The following PRKACB variants were observed in gnomAD, a reference collection of about 807,000 sequenced individuals.
PRKACB encodes protein kinase cAMP-activated catalytic subunit beta.
Under a neutral mutation model 51.4 loss-of-function variants are expected in PRKACB, and 16 were observed. The observed-to-expected ratio is 0.31, with a 90% CI of 0.21 to 0.47. The LOEUF (loss-of-function observed/expected upper bound fraction) is 0.47, where lower values mean the gene tolerates loss of function less well. Ranked by LOEUF, PRKACB falls within the 20% of genes least tolerant of loss-of-function variation. PRKACB has a pLI of 1.00. For synonymous variants in PRKACB, 147 were observed against 154.4 expected (o/e 0.95, Z 0.35); for missense variants, 309 against 464.5 (o/e 0.67, Z 3.08).
In PRKACB at chr1:84,171,328, T is replaced by G. The variant is rs185239641; in HGVS notation, c.188-7849T>G. Among the ~76,000 whole-genome samples, 5 of 151,582 alleles carry G rather than the reference T, an allele frequency of 3.3e-5. No individual in the cohort carries two copies. In the East Asian group the frequency reaches 9.8e-4, roughly 30 times the overall value. On this transcript the variant is annotated intron_variant, in intron 1 of 9. Transcript: ENST00000370685. ...AAAGATCAGTGGGTGGAATAGAAAA[T>G]AAAGATACATGAGAATCAAAGGTTA...
chr1:84,192,320 G>A (rs1179579511), intron 5 of PRKACB, among the ~76,000 whole-genome samples: 1 of 152,050 alleles, frequency 6.6e-6, no homozygotes, highest in Non-Finnish European at 1.5e-5. Context: ...CCAAATGATA[G>A]GAGTTATTCT....
chr1:84,205,269 CCAATA>C, intron 8 of PRKACB: 1 of 983,126 alleles, frequency 1.0e-6, no homozygotes, highest in Non-Finnish European at 1.2e-6. Flanking sequence ...TAACCATTTC[CCAATA>C]AATCATCTGT....
intron 1 of PRKACB, among the ~76,000 whole-genome samples, chr1:84,150,900 T>C (rs923027672): frequency 6.6e-6 from 1 of 152,218 alleles, no homozygotes; most frequent in African/African-American, 2.4e-5. Flanking sequence ...TCTTAATAAG[T>C]TGACACTGGA....
At chr1:84,174,985 G>A (rs886191728) in intron 1 of PRKACB, 3 of 1,422,728 alleles carry the variant, frequency 2.1e-6, no homozygotes, top group Non-Finnish European at 2.8e-6. Context: ...ATGCTAATAT[G>A]TTATTCATAT....
In PRKACB at chr1:84,223,399, C is replaced by T. The variant is rs1360244218; in HGVS notation, c.1071+9082C>T. The stretch of plus-strand genomic sequence containing the variant: ...TTTTGTTTTTTTTGAAATGGTGTCT[C>T]GCTCTGTCGCCCAGGCAAGAGTGCA... On this transcript the variant is annotated intron_variant, in intron 9 of 9. Transcript: ENST00000370685. Among the ~76,000 whole-genome samples the T allele has an allele frequency of 5.0e-5, 7 of 138,968 alleles. No individual in the cohort carries two copies. The Middle Eastern group carries it at 0.018, about 358-fold the overall frequency. 91.2% of individuals were successfully genotyped at this position (138,968 alleles called of 152,430 possible).
At chr1:84,191,950 G>A (rs1666930649) in intron 5 of PRKACB, among the ~76,000 whole-genome samples, 1 of 151,950 alleles carries the variant, frequency 6.6e-6, no homozygotes, top group South Asian at 2.1e-4. Flanking sequence ...TTCTTTAAGG[G>A]ATTTCTAGAC....
At chr1:84,138,269 AC>A (rs1653027009) in intron 1 of PRKACB, among the ~76,000 whole-genome samples, 1 of 152,216 alleles carries the variant, frequency 6.6e-6, no homozygotes, top group Non-Finnish European at 1.5e-5. Context: ...TATCAAAGGG[AC>A]ATAGGAGGAA....
At position 84,238,445 on chromosome 1, in the gene PRKACB, T is replaced by C. The variant is rs1280600384; in HGVS notation, c.*3140T>C. On this transcript the variant is annotated 3_prime_UTR_variant, in exon 10 of 10. Transcript: ENST00000370685. ...CTAGGAAATGCTGAAAACAACTGTG[T>C]TTTTTAATTAATCAATAACTGCAAA... 6.6e-6 allele frequency: 1 copy of C among 152,598 alleles called. No individual in the cohort carries two copies. Among genetic ancestry groups the C allele is most frequent in the African/African-American group, 2.4e-5 (1 of 41,438 alleles). 9.5% of individuals were successfully genotyped at this position (152,598 alleles called of 1,614,324 possible). A position where few individuals can be genotyped will look rare whatever the true frequency, so the allele number is the denominator to read the frequency against.
At chr1:84,198,621 T>C (rs1238167451) in intron 7 of PRKACB, among the ~76,000 whole-genome samples, 1 of 152,046 alleles carries the variant, frequency 6.6e-6, no homozygotes, top group African/African-American at 2.4e-5. Context: ...ATCATTGTAG[T>C]TAACACATTT....
intron 7 of PRKACB, among the ~76,000 whole-genome samples, chr1:84,199,312 C>G (rs567060085): frequency 6.6e-6 from 1 of 152,062 alleles, no homozygotes; most frequent in African/African-American, 2.4e-5. Context: ...CCTACCTCCA[C>G]CCTCAAGTAG....
At chr1:84,144,199 T>A, upstream of PRKACB, 1 of 1,322,822 alleles carries the variant, frequency 7.6e-7, no homozygotes, top group Non-Finnish European at 9.9e-7. Flanking sequence ...AGCTCAGTAA[T>A]GTGCTGTTTT....
intron 1 of PRKACB, among the ~76,000 whole-genome samples, chr1:84,113,301 T>C (rs1650379787): frequency 1.3e-5 from 2 of 152,164 alleles, no homozygotes; most frequent in South Asian, 4.1e-4. Flanking sequence ...GACCCAGGAA[T>C]TCCACTGTTA....
At position 84,227,117 on chromosome 1, in the gene PRKACB, A is replaced by G. The variant is rs374790145; in HGVS notation, c.1072-8063A>G. 2.0e-4 allele frequency among the ~76,000 whole-genome samples: 30 copies of G among 152,218 alleles called. No homozygotes were observed. In the East Asian group the frequency reaches 2.3e-3, roughly 12 times the overall value. ...GTAGTCATAAGTTTTATTAGTCTAC[A>G]GTTTCTGTTTTTTTGAAGTTGGGAT... On this transcript the variant is annotated intron_variant, in intron 9 of 9. Transcript: ENST00000370685.
chr1:84,229,922 A>C lies in PRKACB; in HGVS notation c.1072-5258A>C, dbSNP rs1675315126. Among the ~76,000 whole-genome samples, 3 of 151,912 alleles carry C rather than the reference A, an allele frequency of 2.0e-5. 1 individual carries two copies. The South Asian group carries it at 6.2e-4, about 32-fold the overall frequency. Reference sequence around the variant, plus strand: ...ATGGTAGTTTCTTTTGATGTGCAGAAGCTCTTTAGTTTAATTAGATCCCAT... The same window carrying C: ...ATGGTAGTTTCTTTTGATGTGCAGACGCTCTTTAGTTTAATTAGATCCCAT... On this transcript the variant is annotated intron_variant, in intron 9 of 9. Transcript: ENST00000370685.
At chr1:84,205,395 T>A (rs1180727455) in intron 8 of PRKACB, 1 of 459,490 alleles carries the variant, frequency 2.2e-6, no homozygotes, top group East Asian at 1.5e-4. Context: ...GTTTTTTAAA[T>A]TTTTTAAATT....
intron 5 of PRKACB, 40 bp downstream of exon 5, chr1:84,185,222 T>G: frequency 7.2e-7 from 1 of 1,384,662 alleles, no homozygotes; most frequent in Non-Finnish European, 9.7e-7. Flanking sequence ...TTTATATGCT[T>G]GTGTTGTTTA....
chr1:84,222,787 T>A (rs1264395064), intron 9 of PRKACB, among the ~76,000 whole-genome samples: 2 of 152,224 alleles, frequency 1.3e-5, no homozygotes, highest in Non-Finnish European at 2.9e-5. Flanking sequence ...TAGTAGTTTA[T>A]CGTTGGTGGC....
At chr1:84,223,078 A>G (rs1169645892) in intron 9 of PRKACB, among the ~76,000 whole-genome samples, 1 of 152,148 alleles carries the variant, frequency 6.6e-6, no homozygotes, top group Non-Finnish European at 1.5e-5. Context: ...GAAGTTTTCA[A>G]CTATTATTAA....
At chr1:84,231,978 G>T (rs1471108945) in intron 9 of PRKACB, among the ~76,000 whole-genome samples, 1 of 149,460 alleles carries the variant, frequency 6.7e-6, no homozygotes, top group Admixed American at 6.6e-5. Flanking sequence ...GAATGTGTTT[G>T]CTCTTGCTTT....
Sources: gnomAD v4.1 joint callset for allele counts (sites outside exome capture counted in the v4.1 genomes callset) on GRCh38, gnomAD v4.1.1 for gene constraint, MANE v1.5 for transcripts, NCBI Gene and HGNC (gene_info 2026-07-23, HGNC 2026-07-21) for gene names.